The following TRAF5 variants were observed in gnomAD, a reference collection of about 807,000 sequenced individuals.
TRAF5 encodes the protein TNF receptor-associated factor 5.
In TRAF5, 48 loss-of-function variants were observed where a neutral mutation model predicts 64.5. The observed-to-expected ratio is 0.74, with a 90% CI of 0.59 to 0.95. The LOEUF (loss-of-function observed/expected upper bound fraction) is 0.95, where lower values mean the gene tolerates loss of function less well. Among genes scored for constraint, TRAF5 ranks in the 40% least tolerant of loss-of-function variants. The probability of loss-of-function intolerance (pLI) is 0.00; values close to 1 mark genes in which losing one functional copy is unlikely to be tolerated. For synonymous variants in TRAF5, 206 were observed against 240.5 expected, an observed-to-expected ratio of 0.86 and a Z score of 1.33; for missense variants, 545 against 662.8, an observed-to-expected ratio of 0.82 and a Z score of 1.95.
intron 1 of TRAF5, among the ~76,000 whole-genome samples, chr1:211,336,907 C>T (rs1330116928): frequency 6.6e-6 from 1 of 152,220 alleles, no homozygotes; most frequent in Non-Finnish European, 1.5e-5. Context: ...GATCCGCTCA[C>T]CTCGGCCTTC....
Position 211,372,139 on chromosome 1 carries a change from G to A in TRAF5, c.1111G>A (p.Glu371Lys). The change falls in exon 11 of 11, where the codon GAG becomes AAG. Residue 371 changes from glutamate to lysine, a missense_variant. Coordinates refer to ENST00000261464, the MANE Select transcript of TRAF5 (RefSeq NM_001033910.3). ...NNDQRLAVLE[E>K]ETNKHDTHIN... Reference sequence around the variant, plus strand: ...TTTCTTATTTGCAGCCGTTTTAGAAGAGGAAACTAACAAACATGATACCCA... The same window carrying A: ...TTTCTTATTTGCAGCCGTTTTAGAAAAGGAAACTAACAAACATGATACCCA... 6.5e-7 allele frequency: 1 copy of A among 1,545,666 alleles called. No individual in the cohort carries two copies. Among genetic ancestry groups the A allele is most frequent in the Non-Finnish European group, 8.8e-7 (1 of 1,142,796 alleles).
intron 1 of TRAF5, among the ~76,000 whole-genome samples, chr1:211,350,158 G>A (rs1425733214): frequency 1.3e-5 from 2 of 150,892 alleles, no homozygotes; most frequent in Non-Finnish European, 2.9e-5. Context: ...AGTTTTGCAG[G>A]AAACACTAGG....
intron 1 of TRAF5, among the ~76,000 whole-genome samples, chr1:211,351,767 T>G (rs1702792965): frequency 6.6e-6 from 1 of 152,204 alleles, no homozygotes; most frequent in Non-Finnish European, 1.5e-5. Flanking sequence ...AAAGGTCAGT[T>G]GACTGTATTT....
chr1:211,343,945 AGT>A (rs1376876676), intron 1 of TRAF5, among the ~76,000 whole-genome samples: 1 of 151,986 alleles, frequency 6.6e-6, no homozygotes, highest in Non-Finnish European at 1.5e-5. Context: ...AAGGCTTCCT[AGT>A]GGAGAAAGCT....
upstream of TRAF5, chr1:211,326,820 G>T: frequency 1.0e-6 from 1 of 984,102 alleles, no homozygotes; most frequent in Non-Finnish European, 1.2e-6. The surrounding 1 kb of genome is among the most constrained non-coding windows in gnomAD (Gnocchi z 5.0). Flanking sequence ...CGCCGCCGCC[G>T]CCGGCCGCAG....
intron 2 of TRAF5, 171 bp downstream of exon 2, chr1:211,353,628 A>AT (rs1702867362): frequency 1.5e-6 from 1 of 657,052 alleles, no homozygotes; most frequent in Non-Finnish European, 2.6e-6. Context: ...AAGAATAATC[A>AT]TTTTTTGGTC....
rs753206883 is a variant in TRAF5, at chr1:211,372,198, TGAA to T, written c.1173_1175del (p.Glu392del). On this transcript the variant is annotated inframe_deletion, in exon 11 of 11. Transcript: ENST00000261464. ...TTCATAAAGCACAGCTGAGTAAAAA[TGAA>T]GAGCGATTTAAACTGCTGGAGGGTA... 9.3e-6 allele frequency: 15 copies of T among 1,611,988 alleles called. No individual in the cohort carries two copies. Among genetic ancestry groups the T allele is most frequent in the South Asian group, 8.8e-5 (8 of 91,034 alleles).
intron 5 of TRAF5, 177 bp downstream of exon 5, chr1:211,360,253 G>A: frequency 1.6e-6 from 1 of 630,984 alleles, no homozygotes; most frequent in South Asian, 2.0e-5. Flanking sequence ...CCTTCTTGTT[G>A]GTAGCACTCC....
chr1:211,336,393 C>T (rs985791209), intron 1 of TRAF5, among the ~76,000 whole-genome samples: 10 of 152,200 alleles, frequency 6.6e-5, no homozygotes, highest in African/African-American at 1.2e-4. Context: ...TTTACTCTTC[C>T]GGTCCTAGTT....
At chr1:211,362,773 A>G (rs1214795864) in intron 7 of TRAF5, among the ~76,000 whole-genome samples, 1 of 152,248 alleles carries the variant, frequency 6.6e-6, no homozygotes, top group Non-Finnish European at 1.5e-5. Flanking sequence ...ATAAATTTGT[A>G]AATATTTAAA....
rs570181063 is a variant in TRAF5 at position 211,348,427 on chromosome 1, T to TA, written c.-1-4805dup. 5.3e-5 allele frequency among the ~76,000 whole-genome samples: 8 copies of TA among 152,236 alleles called. No individual in the cohort carries two copies. The South Asian group carries it at 1.7e-3, about 32-fold the overall frequency. On this transcript the variant is annotated intron_variant, in intron 1 of 10. Coordinates refer to ENST00000261464, the MANE Select transcript of TRAF5 (RefSeq NM_001033910.3). ...ACAAAAACTCTTAGGGGTCCTCCAT[T>TA]AAAAAAAGACAAGATTTTCTTTTAG...
chr1:211,345,855 T>A (rs2102730646), intron 1 of TRAF5, among the ~76,000 whole-genome samples: 1 of 152,240 alleles, frequency 6.6e-6, no homozygotes, highest in South Asian at 2.1e-4. Context: ...GGCTTGCCCC[T>A]CTTCCCACTC....
At chr1:211,329,295 G>A (rs1421314017) in intron 1 of TRAF5, among the ~76,000 whole-genome samples, 1 of 152,202 alleles carries the variant, frequency 6.6e-6, no homozygotes, top group Non-Finnish European at 1.5e-5. Flanking sequence ...CTTGGGGTCT[G>A]AGCTGCCAGG....
At position 211,337,374 on chromosome 1, in the gene TRAF5, G is replaced by C. The variant is rs553896883; in HGVS notation, c.-2+10485G>C. ...TCTTCTGCTGTTCAAGAAGACGCAA[G>C]GCAGTGTTGCCAGAGTGAGTAGACA... On this transcript the variant is annotated intron_variant, in intron 1 of 10. Coordinates refer to ENST00000261464, the MANE Select transcript of TRAF5 (RefSeq NM_001033910.3). Among the ~76,000 whole-genome samples, 4 of 152,302 alleles carry C rather than the reference G, an allele frequency of 2.6e-5. No individual in the cohort carries two copies. In the South Asian group the frequency reaches 8.3e-4, roughly 32 times the overall value.
intron 8 of TRAF5, among the ~76,000 whole-genome samples, chr1:211,366,180 T>C (rs1390845823): frequency 1.3e-5 from 2 of 152,188 alleles, no homozygotes; most frequent in Non-Finnish European, 2.9e-5. Context: ...AAACCATCCA[T>C]TTTCAGAAAA....
At chr1:211,339,455 G>T (rs144344602) in intron 1 of TRAF5, among the ~76,000 whole-genome samples, 1 of 152,144 alleles carries the variant, frequency 6.6e-6, no homozygotes, top group South Asian at 2.1e-4. Flanking sequence ...CATGAAACTC[G>T]GTTTGGTAAG....
chr1:211,370,761 C>T (rs1225678446), intron 9 of TRAF5, among the ~76,000 whole-genome samples: 4 of 152,104 alleles, frequency 2.6e-5, no homozygotes, highest in African/African-American at 9.7e-5. Context: ...AGTAGCCATA[C>T]CTTATATTGT....
In TRAF5 at chr1:211,326,935, G is replaced by C; in HGVS notation, c.-2+46G>C. On this transcript the variant is annotated intron_variant, in intron 1 of 10. Transcript: ENST00000261464. The surrounding 1 kb of genome is among the most constrained non-coding windows in gnomAD (Gnocchi z 5.0). ...CCCTGGGCACCCTCGCGACGGAAGG[G>C]CCGGGGTGGGGACACCGACGAGCGC... 1.0e-6 allele frequency: 1 copy of C among 983,196 alleles called. No homozygotes were observed. Among genetic ancestry groups the C allele is most frequent in the Non-Finnish European group, 1.2e-6 (1 of 827,658 alleles). 60.9% of individuals were successfully genotyped at this position (983,196 alleles called of 1,614,324 possible). A position where few individuals can be genotyped will look rare whatever the true frequency, so the allele number is the denominator to read the frequency against.
intron 1 of TRAF5, among the ~76,000 whole-genome samples, chr1:211,346,884 T>C (rs1702624671): frequency 1.3e-5 from 2 of 152,208 alleles, no homozygotes; most frequent in South Asian, 4.1e-4. Flanking sequence ...TGCATCAATT[T>C]ATGAAACAAG....
Sources: gnomAD v4.1 joint callset for allele counts (sites outside exome capture counted in the v4.1 genomes callset) on GRCh38, gnomAD v4.1.1 for gene constraint, Gnocchi (gnomAD v3.1) non-coding constraint, MANE v1.5 for transcripts, NCBI Gene and HGNC (gene_info 2026-07-23, HGNC 2026-07-21) for gene names.